The following DAB1 variants were observed in gnomAD, a reference collection of about 807,000 sequenced individuals.
DAB1 encodes the protein DAB adaptor protein 1, also known as disabled homolog 1.
In DAB1, 15 loss-of-function variants were observed where a neutral mutation model predicts 64.6. The ratio of observed to expected loss-of-function variants is 0.23; its 90% CI spans 0.16 to 0.36. The LOEUF (loss-of-function observed/expected upper bound fraction) is 0.36, where lower values mean the gene tolerates loss of function less well. Ranked by LOEUF, DAB1 falls within the 10% of genes least tolerant of loss-of-function variation. The probability of loss-of-function intolerance (pLI) is 1.00; values close to 1 mark genes in which losing one functional copy is unlikely to be tolerated. For missense variants in DAB1, 596 were observed against 706.7 expected (o/e 0.84, Z 1.78); for synonymous variants, 235 against 251.9 (o/e 0.93, Z 0.64).
At chr1:57,377,496 C>T (rs1014630706) in intron 1 of DAB1, among the ~76,000 whole-genome samples, 2 of 152,078 alleles carry the variant, frequency 1.3e-5, no homozygotes, top group African/African-American at 4.8e-5. Context: ...GATTCTTATG[C>T]ACATAAACAT....
At chr1:58,471,465 T>C (rs953754428) in intron 3 of DAB1, among the ~76,000 whole-genome samples, 5 of 152,154 alleles carry the variant, frequency 3.3e-5, no homozygotes, top group Admixed American at 1.3e-4. Flanking sequence ...ATTCATGATG[T>C]CTCGGGCAGG....
At chr1:58,490,105 G>A (rs981477973) in intron 3 of DAB1, among the ~76,000 whole-genome samples, 39 of 152,358 alleles carry the variant, frequency 2.6e-4, no homozygotes, top group Non-Finnish European at 4.0e-4. Context: ...TGACTTTGAC[G>A]AGTTGAGAGA....
intron 7 of DAB1, among the ~76,000 whole-genome samples, chr1:57,429,867 A>G (rs907921942): frequency 2.6e-5 from 4 of 152,174 alleles, no homozygotes; most frequent in Admixed American, 2.0e-4. Context: ...TCATTCCAGT[A>G]TCATACTATT....
intron 4 of DAB1, among the ~76,000 whole-genome samples, chr1:58,331,611 C>A (rs1399364726): frequency 6.6e-6 from 1 of 152,162 alleles, no homozygotes; most frequent in Non-Finnish European, 1.5e-5. Flanking sequence ...CAACCACTAC[C>A]CTGATCAGTT....
intron 5 of DAB1, among the ~76,000 whole-genome samples, chr1:58,100,534 G>A (rs140745751): frequency 1.6e-3 from 245 of 152,202 alleles, no homozygotes; most frequent in African/African-American, 5.7e-3. Flanking sequence ...ATGTGTGTAC[G>A]CATATCTCTT....
upstream of DAB1, among the ~76,000 whole-genome samples, chr1:57,426,798 A>G (rs1206148059): frequency 6.6e-6 from 1 of 151,708 alleles, no homozygotes; most frequent in Non-Finnish European, 1.5e-5. Context: ...AAAATTCTCA[A>G]CCCTACAATG....
intron 5 of DAB1, among the ~76,000 whole-genome samples, chr1:57,946,237 T>TC (rs1481184149): frequency 1.3e-5 from 2 of 152,174 alleles, no homozygotes; most frequent in Admixed American, 6.5e-5. Flanking sequence ...GAACTGTGTT[T>TC]CCCCTTGAGT....
chr1:58,048,903 AT>A (rs1291725126), intron 5 of DAB1: 2 of 911,518 alleles, frequency 2.2e-6, no homozygotes, highest in African/African-American at 3.2e-5. Context: ...AATCACTTCC[AT>A]TTTTCCAACT....
At position 58,523,546 on chromosome 1, in the gene DAB1, G is replaced by C. The variant is rs372418763; in HGVS notation, n.107+3715C>G. Among the ~76,000 whole-genome samples, 7 of 152,244 alleles carry C rather than the reference G, an allele frequency of 4.6e-5. No homozygotes were observed. In the East Asian group the frequency reaches 1.4e-3, roughly 29 times the overall value. ...TTGGGGGCAAGTAGACCATTTGGAC[G>C]CCTTCAGTGTTGAACTCATGGGGTT... On this transcript the variant is annotated intron_variant and non_coding_transcript_variant, in intron 2 of 20. Coordinates refer to the DAB1 transcript ENST00000485760.
chr1:57,788,750 A>G (rs1650452883), intron 6 of DAB1, among the ~76,000 whole-genome samples: 2 of 152,170 alleles, frequency 1.3e-5, no homozygotes, highest in African/African-American at 2.4e-5. Flanking sequence ...CTATGAAAAG[A>G]GGAGAAGTTT....
chr1:58,386,262 G>A (rs1243187430), intron 3 of DAB1, among the ~76,000 whole-genome samples: 2 of 152,114 alleles, frequency 1.3e-5, no homozygotes, highest in African/African-American at 4.8e-5. Context: ...TCAGTTTAAT[G>A]GGAATTAAGT....
intron 2 of DAB1, among the ~76,000 whole-genome samples, chr1:58,526,137 G>C (rs916763384): frequency 6.6e-6 from 1 of 152,034 alleles, no homozygotes; most frequent in Non-Finnish European, 1.5e-5. Context: ...TTAACATATA[G>C]GGAAAATCTG....
At chr1:57,521,562 C>G (rs1167534936) in intron 7 of DAB1, among the ~76,000 whole-genome samples, 1 of 152,134 alleles carries the variant, frequency 6.6e-6, no homozygotes, top group African/African-American at 2.4e-5. Context: ...TAAAAAATCA[C>G]TCTGGTAGAG....
At chr1:58,390,380 G>A (rs1422193566) in intron 3 of DAB1, among the ~76,000 whole-genome samples, 1 of 152,124 alleles carries the variant, frequency 6.6e-6, no homozygotes, top group Non-Finnish European at 1.5e-5. Flanking sequence ...TTTAATTACA[G>A]AGGCTCTAGA....
chr1:58,163,630 G>A (rs537370882), intron 4 of DAB1, among the ~76,000 whole-genome samples: 1 of 152,294 alleles, frequency 6.6e-6, no homozygotes, highest in South Asian at 2.1e-4. Flanking sequence ...AGCTCGAAGA[G>A]GGCAGGATGA....
chr1:58,287,663 TC>T (rs755655959), intron 4 of DAB1, among the ~76,000 whole-genome samples: 4 of 152,034 alleles, frequency 2.6e-5, no homozygotes, highest in African/African-American at 4.8e-5. Context: ...TCCTCAAAAG[TC>T]CCACTGTTTC....
At chr1:58,539,317 C>CA (rs753291283) in intron 1 of DAB1, 7,635 of 544,650 alleles carry the variant, frequency 0.014, no homozygotes, top group South Asian at 0.022. Context: ...CTACCTGAAA[C>CA]AAAAAAAAAA....
At chr1:57,117,058 T>C (rs1168280269) in intron 4 of DAB1, among the ~76,000 whole-genome samples, 1 of 152,194 alleles carries the variant, frequency 6.6e-6, no homozygotes, top group African/African-American at 2.4e-5. Context: ...AACTGGATGA[T>C]TCCTGGCTTT....
chr1:57,010,825 C>G, intron 13 of DAB1, 35 bp from the exon 14 acceptor site: 3 of 1,448,000 alleles, frequency 2.1e-6, no homozygotes, highest in Non-Finnish European at 2.8e-6. Flanking sequence ...TTTTTTTTCT[C>G]TCTTTTCAAG....
Sources: gnomAD v4.1 joint callset for allele counts (sites outside exome capture counted in the v4.1 genomes callset) on GRCh38, gnomAD v4.1.1 for gene constraint, MANE v1.5 for transcripts, NCBI Gene and HGNC (gene_info 2026-07-23, HGNC 2026-07-21) for gene names.